Variants in CHRM3 observed in about 807,000 individuals in gnomAD.
CHRM3 encodes the protein cholinergic receptor muscarinic 3.
Under a neutral mutation model 41.8 loss-of-function variants are expected in CHRM3, and 11 were observed. That is an observed-to-expected ratio of 0.26 (90% CI 0.17 to 0.44). The LOEUF (loss-of-function observed/expected upper bound fraction) is 0.44. CHRM3 is among the 20% of genes least tolerant of loss of function. The pLI is 1.00. For missense variants in CHRM3, 571 were observed against 745.4 expected, an observed-to-expected ratio of 0.77 and a Z score of 2.72; for synonymous variants, 297 against 301.4, an observed-to-expected ratio of 0.99 and a Z score of 0.15.
chr1:239,399,753 A>G (rs1337915215), intron 1 of CHRM3, among the ~76,000 whole-genome samples: 1 of 152,134 alleles, frequency 6.6e-6, no homozygotes, highest in East Asian at 1.9e-4. Context: ...CTGTTGATAG[A>G]CACTTAGTTT....
chr1:239,514,085 GTTC>G (rs1012044046), intron 2 of CHRM3, among the ~76,000 whole-genome samples: 11 of 152,188 alleles, frequency 7.2e-5, no homozygotes, highest in African/African-American at 2.4e-4. Flanking sequence ...CTCCAGGTTT[GTTC>G]TTCTTCAACA....
At chr1:239,740,550 G>A (rs1178532822) in intron 5 of CHRM3, among the ~76,000 whole-genome samples, 1 of 151,676 alleles carries the variant, frequency 6.6e-6, no homozygotes, top group Non-Finnish European at 1.5e-5. Context: ...TTGCTGCACC[G>A]ATCAACCCAT....
chr1:239,461,800 A>G (rs1368715698), intron 1 of CHRM3, among the ~76,000 whole-genome samples: 2 of 151,868 alleles, frequency 1.3e-5, no homozygotes, highest in African/African-American at 4.8e-5. Flanking sequence ...ACGTCAGCAT[A>G]TTCCATCTCC....
At chr1:239,620,226 T>G (rs931083389) in intron 3 of CHRM3, among the ~76,000 whole-genome samples, 2 of 152,196 alleles carry the variant, frequency 1.3e-5, no homozygotes, top group African/African-American at 4.8e-5. Context: ...CTTTTAAAAT[T>G]CTCTTTGTGA....
chr1:239,841,739 G>A (rs1375269912), intron 6 of CHRM3, among the ~76,000 whole-genome samples: 1 of 152,164 alleles, frequency 6.6e-6, no homozygotes, highest in Non-Finnish European at 1.5e-5. Flanking sequence ...CAAGGCATTA[G>A]CATAACTTGT....
At chr1:239,651,179 GT>G (rs1433562080) in intron 4 of CHRM3, among the ~76,000 whole-genome samples, 3 of 152,222 alleles carry the variant, frequency 2.0e-5, no homozygotes, top group Non-Finnish European at 2.9e-5. Flanking sequence ...TATTCTATTA[GT>G]TTCTTTATAA....
rs544907438 is a variant in CHRM3 at position 239,889,987 on chromosome 1, C to G, written c.-19-17446C>G. On this transcript the variant is annotated intron_variant, in intron 6 of 6. Coordinates refer to ENST00000676153, the MANE Select transcript of CHRM3 (RefSeq NM_001375978.1). ...CATAACAATAATCACATGGTTAATG[C>G]CAGTCACAAGAGGACCCCACAGTAG... is the stretch of plus-strand genomic sequence containing the variant. 2.0e-5 allele frequency among the ~76,000 whole-genome samples: 3 copies of G among 152,200 alleles called. No individual in the cohort carries two copies. In the South Asian group the frequency reaches 6.2e-4, roughly 32 times the overall value.
intron 3 of CHRM3, 100 bp from the exon 4 acceptor site, chr1:239,632,124 T>C (rs1260573819): frequency 6.6e-6 from 1 of 152,232 alleles, no homozygotes; most frequent in South Asian, 2.1e-4. Context: ...TTTTTTCCAT[T>C]GCCTCTAATC....
intron 5 of CHRM3, among the ~76,000 whole-genome samples, chr1:239,777,540 A>G (rs2148775685): frequency 6.6e-6 from 1 of 152,324 alleles, no homozygotes; most frequent in African/African-American, 2.4e-5. Flanking sequence ...TATCACATCT[A>G]GGTAAATAAA....
At chr1:239,857,923 G>T (rs927658195) in intron 6 of CHRM3, among the ~76,000 whole-genome samples, 5 of 152,062 alleles carry the variant, frequency 3.3e-5, no homozygotes, top group African/African-American at 1.2e-4. Flanking sequence ...ATTTGAAGTT[G>T]CCCCGAACAT....
chr1:239,554,020 G>T (rs1660109946), intron 3 of CHRM3, among the ~76,000 whole-genome samples: 1 of 152,018 alleles, frequency 6.6e-6, no homozygotes, highest in South Asian at 2.1e-4. Context: ...CCCTTAAAGA[G>T]CTGGGATTAC....
intron 5 of CHRM3, among the ~76,000 whole-genome samples, chr1:239,760,700 TG>T (rs1396279907): frequency 6.6e-6 from 1 of 152,218 alleles, no homozygotes; most frequent in Non-Finnish European, 1.5e-5. Context: ...TGCTCATGTG[TG>T]GTTTGCATTG....
chr1:239,791,171 C>T (rs956022323), intron 5 of CHRM3, among the ~76,000 whole-genome samples: 5 of 152,036 alleles, frequency 3.3e-5, no homozygotes, highest in African/African-American at 1.2e-4. Context: ...GTGATGCAGT[C>T]TCGGCTCACT....
rs570027083 is a variant in CHRM3, at chr1:239,907,066, A to T, written c.-19-367A>T. ...GTCAAGTTATCAATTTAGCATGAAG[A>T]TAAAGCTGTTTGGATAATTGTAATA... On this transcript the variant is annotated intron_variant, in intron 6 of 6. Transcript: ENST00000676153. This position sits in a 1 kb window ranked among gnomAD's most constrained non-coding sequence, Gnocchi z 5.4. 1.6e-4 allele frequency among the ~76,000 whole-genome samples: 25 copies of T among 152,362 alleles called. No homozygotes were observed. The highest frequency in any genetic ancestry group is 5.8e-4 in the African/African-American group (24 of 41,584).
At chr1:239,562,225 G>A (rs887200132) in intron 3 of CHRM3, among the ~76,000 whole-genome samples, 8 of 152,140 alleles carry the variant, frequency 5.3e-5, no homozygotes, top group African/African-American at 1.9e-4. Flanking sequence ...GAAGGGGAAG[G>A]GAGGCATGTG....
chr1:239,460,735 A>G (rs2060630134), intron 1 of CHRM3, among the ~76,000 whole-genome samples: 2 of 152,218 alleles, frequency 1.3e-5, no homozygotes, highest in Admixed American at 1.3e-4. Flanking sequence ...AGTTAACACT[A>G]TCAATTTTCA....
At chr1:239,437,685 C>G (rs1456760897) in intron 1 of CHRM3, among the ~76,000 whole-genome samples, 1 of 152,106 alleles carries the variant, frequency 6.6e-6, no homozygotes, top group Non-Finnish European at 1.5e-5. Flanking sequence ...TACAAGCATG[C>G]ATCACACCCT....
Position 239,502,935 on chromosome 1 carries a change from A to C in CHRM3, c.-422+10128A>C, listed in dbSNP as rs184471582. The stretch of plus-strand genomic sequence containing the variant: ...CAATGTAATAAAAGCCATCTATGAC[A>C]AACCCACAGCCAACATAATACTGAA... On this transcript the variant is annotated intron_variant, in intron 2 of 6. Coordinates refer to ENST00000676153, the MANE Select transcript of CHRM3 (RefSeq NM_001375978.1). Among the ~76,000 whole-genome samples the C allele has an allele frequency of 4.0e-3, 614 of 152,316 alleles. 3 individuals are homozygous for C. The highest frequency in any genetic ancestry group is 0.014 in the African/African-American group (594 of 41,574).
intron 5 of CHRM3, among the ~76,000 whole-genome samples, chr1:239,747,133 AAGTT>A (rs1665437489): frequency 6.6e-6 from 1 of 152,192 alleles, no homozygotes; most frequent in Non-Finnish European, 1.5e-5. Flanking sequence ...AGAAAAATCA[AAGTT>A]AGCTTTTATA....
Sources: allele counts gnomAD v4.1 joint callset (sites outside exome capture counted in the v4.1 genomes callset), GRCh38; gene constraint gnomAD v4.1.1; non-coding constraint Gnocchi (gnomAD v3.1); transcripts MANE v1.5; gene names NCBI Gene and HGNC (gene_info 2026-07-23, HGNC 2026-07-21).